Variants in PDSS2 observed in about 807,000 individuals in gnomAD.
PDSS2 encodes decaprenyl diphosphate synthase subunit 2, also known as all trans-polyprenyl-diphosphate synthase PDSS2.
In PDSS2, 31 loss-of-function variants were observed where a neutral mutation model predicts 44.5. The ratio of observed to expected loss-of-function variants is 0.70; its 90% CI spans 0.52 to 0.94. The LOEUF (loss-of-function observed/expected upper bound fraction) is 0.94. Among genes scored for constraint, PDSS2 ranks in the 40% least tolerant of loss-of-function variants. The pLI, the probability that PDSS2 is intolerant of heterozygous loss-of-function variation, is 0.00. For synonymous variants in PDSS2, 157 were observed against 180.3 expected (o/e 0.87, Z 1.03); for missense variants, 452 against 482.2 (o/e 0.94, Z 0.59).
intron 1 of PDSS2, among the ~76,000 whole-genome samples, chr6:107,400,162 G>A (rs538673454): frequency 4.1e-4 from 63 of 152,220 alleles, no homozygotes; most frequent in African/African-American, 1.5e-3. Flanking sequence ...ATAGTGTCAG[G>A]GAGCAGTGGA....
chr6:107,417,971 GA>G (rs779389668), intron 1 of PDSS2, among the ~76,000 whole-genome samples: 12 of 151,874 alleles, frequency 7.9e-5, no homozygotes, highest in Non-Finnish European at 1.8e-4. Flanking sequence ...AGATTAAGTG[GA>G]AAAGGATAGA....
chr6:107,336,784 T>C (rs1001005335), intron 1 of PDSS2, among the ~76,000 whole-genome samples: 8 of 150,690 alleles, frequency 5.3e-5, no homozygotes, highest in African/African-American at 2.0e-4. Context: ...AGGTCTGAAT[T>C]GGCTTTCAAT....
At chr6:107,358,609 G>A (rs1397771260) in intron 1 of PDSS2, among the ~76,000 whole-genome samples, 1 of 152,130 alleles carries the variant, frequency 6.6e-6, no homozygotes, top group Non-Finnish European at 1.5e-5. Flanking sequence ...AGCCATTGCA[G>A]AAATGATGAA....
chr6:107,236,545 A>G lies in PDSS2; in HGVS notation c.702+9003T>C, dbSNP rs567256339. 3.3e-5 allele frequency among the ~76,000 whole-genome samples: 5 copies of G among 152,248 alleles called. No individual in the cohort carries two copies. In the East Asian group the frequency reaches 9.6e-4, roughly 29 times the overall value. ...TAAAAGAAATCTTTTAGGAAGAAGGAAAATAATACATTCTGGCATTACAGA... is the reference window on the plus strand; with the variant it reads ...TAAAAGAAATCTTTTAGGAAGAAGGGAAATAATACATTCTGGCATTACAGA... On this transcript the variant is annotated intron_variant, in intron 4 of 7. Transcript: ENST00000369037.
At chr6:107,374,340 G>A (rs1377349450) in intron 1 of PDSS2, among the ~76,000 whole-genome samples, 1 of 151,446 alleles carries the variant, frequency 6.6e-6, no homozygotes, top group Non-Finnish European at 1.5e-5. Flanking sequence ...TTAATGCTCA[G>A]TTAGGTACAA....
At chr6:107,316,604 T>TAA (rs1486082196) in intron 2 of PDSS2, among the ~76,000 whole-genome samples, 1 of 152,190 alleles carries the variant, frequency 6.6e-6, no homozygotes, top group East Asian at 1.9e-4. Flanking sequence ...ATTTTCCTCT[T>TAA]TTAGTATAAC....
At chr6:107,390,750 A>G (rs989324639) in intron 1 of PDSS2, among the ~76,000 whole-genome samples, 5 of 152,148 alleles carry the variant, frequency 3.3e-5, no homozygotes, top group African/African-American at 7.2e-5. Context: ...TAAATCTAAC[A>G]TTATTCCAAA....
intron 4 of PDSS2, among the ~76,000 whole-genome samples, chr6:107,235,975 T>C (rs1017932148): frequency 1.2e-4 from 18 of 152,024 alleles, no homozygotes; most frequent in African/African-American, 2.4e-5. Flanking sequence ...TACTATGTAA[T>C]TGAGGTCCCT....
intron 1 of PDSS2, among the ~76,000 whole-genome samples, chr6:107,373,885 A>G (rs1279973925): frequency 6.6e-6 from 1 of 152,210 alleles, no homozygotes; most frequent in Non-Finnish European, 1.5e-5. Context: ...GCTTAGGACA[A>G]CAGGGAAACA....
chr6:107,257,231 C>T (rs559552746), intron 3 of PDSS2, among the ~76,000 whole-genome samples: 1 of 150,192 alleles, frequency 6.7e-6, no homozygotes, highest in Non-Finnish European at 1.5e-5. Context: ...CACATTGTAC[C>T]CTTGGATCAA....
chr6:107,360,291 C>T (rs1015056151), intron 1 of PDSS2, among the ~76,000 whole-genome samples: 3 of 152,216 alleles, frequency 2.0e-5, no homozygotes, highest in Non-Finnish European at 4.4e-5. Flanking sequence ...TGTGTATTCT[C>T]TCTTCTCTAG....
At chr6:107,155,142 CTT>C (rs67631229) in intron 7 of PDSS2, among the ~76,000 whole-genome samples, 4,355 of 140,392 alleles carry the variant, frequency 0.031, 203 homozygotes, top group African/African-American at 0.1. Context: ...ATATTCTTCC[CTT>C]TTTTTTTTTT....
intron 7 of PDSS2, among the ~76,000 whole-genome samples, chr6:107,184,508 G>GTAATGATATGTGATCATGCA (rs1224867889): frequency 6.6e-6 from 1 of 152,204 alleles, no homozygotes; most frequent in African/African-American, 2.4e-5. Context: ...TTAAAGGGAA[G>GTAATGATATGTGATCATGCA]TAATGATATG....
chr6:107,181,350 T>C (rs1771970086), intron 7 of PDSS2, among the ~76,000 whole-genome samples: 1 of 149,808 alleles, frequency 6.7e-6, no homozygotes. Context: ...CTAGCCAACA[T>C]GGTGAAACCC....
intron 1 of PDSS2, among the ~76,000 whole-genome samples, chr6:107,339,317 A>T (rs956123210): frequency 2.6e-5 from 4 of 152,264 alleles, no homozygotes; most frequent in African/African-American, 7.2e-5. Flanking sequence ...TTAAAGTGTC[A>T]TAAATGAAAG....
At chr6:107,248,032 A>G (rs561384288) in intron 3 of PDSS2, among the ~76,000 whole-genome samples, 11 of 152,128 alleles carry the variant, frequency 7.2e-5, no homozygotes, top group African/African-American at 2.4e-4. Flanking sequence ...CAAAAAAAAA[A>G]AGAAAGATGT....
At chr6:107,298,916 C>T (rs1312671328) in intron 2 of PDSS2, among the ~76,000 whole-genome samples, 1 of 151,900 alleles carries the variant, frequency 6.6e-6, no homozygotes, top group South Asian at 2.1e-4. Context: ...CTGAGGCAGG[C>T]GAATCGCCTG....
intron 6 of PDSS2, among the ~76,000 whole-genome samples, chr6:107,208,111 C>G (rs974070001): frequency 6.8e-6 from 1 of 147,838 alleles, no homozygotes; most frequent in Non-Finnish European, 1.5e-5. Context: ...CTCAGCCTCC[C>G]GAGTAGCTGG....
chr6:107,411,348 A>G (rs902285666), intron 1 of PDSS2, among the ~76,000 whole-genome samples: 10 of 152,248 alleles, frequency 6.6e-5, no homozygotes, highest in African/African-American at 2.4e-4. Flanking sequence ...ACTCCTACCA[A>G]CAATGTATGA....
Sources: gnomAD v4.1 joint callset for allele counts (sites outside exome capture counted in the v4.1 genomes callset) on GRCh38, gnomAD v4.1.1 for gene constraint, MANE v1.5 for transcripts, NCBI Gene and HGNC (gene_info 2026-07-23, HGNC 2026-07-21) for gene names.